Variants in RAD1 observed in about 807,000 individuals in gnomAD.
The protein encoded by RAD1 is cell cycle checkpoint protein RAD1.
A neutral mutation model predicts 30.0 loss-of-function variants in RAD1; 21 were observed. The observed-to-expected ratio is 0.70, with a 90% confidence interval of 0.50 to 1.01. RAD1 has a LOEUF of 1.01. Among genes scored for constraint, RAD1 ranks in the 50% least tolerant of loss-of-function variants. The probability of loss-of-function intolerance (pLI) is 0.00; values close to 1 mark genes in which losing one functional copy is unlikely to be tolerated. For missense variants in RAD1, 329 were observed against 329.0 expected, an observed-to-expected ratio of 1.00 and a Z score of 0.00; for synonymous variants, 109 against 113.6, an observed-to-expected ratio of 0.96 and a Z score of 0.26.
Position 34,915,497 on chromosome 5 carries a change from G to C in RAD1, c.-151C>G. 1 of 444,000 alleles carries C rather than the reference G, an allele frequency of 2.3e-6. No individual in the cohort carries two copies. The highest frequency in any genetic ancestry group is 4.0e-6 in the Non-Finnish European group (1 of 252,404). 27.5% of individuals were successfully genotyped at this position (444,000 alleles called of 1,614,324 possible). The stretch of plus-strand genomic sequence containing the variant: ...AGCGAGGCGGCTCCGAGGAACCGCG[G>C]AGGAAGTGAAGCCAGTCCCGCCACT... On this transcript the variant is annotated 5_prime_UTR_variant, in exon 1 of 6. Coordinates refer to ENST00000382038, the MANE Select transcript of RAD1 (RefSeq NM_002853.4).
Position 34,905,629 on chromosome 5 carries a change from T to G in RAD1, c.*3136A>C, listed in dbSNP as rs1213474759. The G allele has an allele frequency of 6.6e-6, 1 of 152,132 alleles. No homozygotes were observed. The highest frequency in any genetic ancestry group is 1.5e-5 in the Non-Finnish European group (1 of 68,026). The allele number at this position is 152,132 out of a possible 1,614,324, so 9.4% of individuals were successfully genotyped here. On this transcript the variant is annotated 3_prime_UTR_variant, in exon 6 of 6. Coordinates refer to ENST00000382038, the MANE Select transcript of RAD1 (RefSeq NM_002853.4). ...TTATCCATTCACAGTAAGCACCATT[T>G]TACTAGAAAGAGAGATAAACTTCAA...
At chr5:34,909,136 T>C (rs1275136855) in intron 5 of RAD1, 122 bp downstream of exon 5, 2 of 913,128 alleles carry the variant, frequency 2.2e-6, no homozygotes, top group East Asian at 5.1e-5. Flanking sequence ...AGCACTCTAC[T>C]ATTCATTTTT....
Position 34,909,283 on chromosome 5 carries a change from G to A in RAD1, c.640C>T (p.His214Tyr). 1 of 1,610,594 alleles carries A rather than the reference G, an allele frequency of 6.2e-7. No homozygotes were observed. The highest frequency in any genetic ancestry group is 8.5e-7 in the Non-Finnish European group (1 of 1,177,268). Reference sequence around the variant, plus strand: ...CTGTTGACTTGGGTCTGATTACAATGAAATGCTTCCATCAAATCAGAATCT... The same window carrying A: ...CTGTTGACTTGGGTCTGATTACAATAAAATGCTTCCATCAAATCAGAATCT... Reference protein sequence around the residue: ...PKDSDLMEAFHCNQTQVNRYK... With the variant: ...PKDSDLMEAFYCNQTQVNRYK... The change falls in exon 5 of 6, where the codon CAT (histidine) becomes TAT (tyrosine). Residue 214 changes from histidine (H) to tyrosine (Y), a missense_variant. His to Tyr is a moderately conservative substitution (Grantham distance 83). Coordinates refer to ENST00000382038, the MANE Select transcript of RAD1 (RefSeq NM_002853.4).
chr5:34,914,243 A>T (rs2111954969), intron 2 of RAD1, among the ~76,000 whole-genome samples: 1 of 152,360 alleles, frequency 6.6e-6, no homozygotes, highest in South Asian at 2.1e-4. Flanking sequence ...ATATTCTGGA[A>T]ACAAATATTC....
intron 3 of RAD1, among the ~76,000 whole-genome samples, chr5:34,912,709 T>C (rs1469133975): frequency 1.3e-5 from 2 of 151,980 alleles, no homozygotes; most frequent in Non-Finnish European, 2.9e-5. Context: ...TTAAAGAAAA[T>C]CATTCGGCAA....
In RAD1 at chr5:34,915,466, A is replaced by T; in HGVS notation, c.-120T>A. The T allele has an allele frequency of 2.6e-6, 1 of 385,366 alleles. No homozygotes were observed. The highest frequency in any genetic ancestry group is 4.4e-5 in the Admixed American group (1 of 22,858). The allele number at this position is 385,366 out of a possible 1,614,324, so 23.9% of individuals were successfully genotyped here. ...AGAGCCCTTCTCAGCAAAGTCCCTG[A>T]AGAGGAGCGAGGCGGCTCCGAGGAA... On this transcript the variant is annotated 5_prime_UTR_variant, in exon 1 of 6. Coordinates refer to ENST00000382038, the MANE Select transcript of RAD1 (RefSeq NM_002853.4).
intron 2 of RAD1, 113 bp downstream of exon 2, chr5:34,914,582 T>C (rs1277070287): frequency 4.4e-6 from 4 of 916,622 alleles, no homozygotes; most frequent in Admixed American, 4.7e-5. Flanking sequence ...TTATTATGAC[T>C]ATTGACAAGT....
intron 4 of RAD1, among the ~76,000 whole-genome samples, chr5:34,910,659 C>G (rs951352449): frequency 6.6e-6 from 1 of 152,164 alleles, no homozygotes; most frequent in Non-Finnish European, 1.5e-5. Context: ...AACTCCTGAC[C>G]TCAAGTGATC....
At chr5:34,909,118 G>T in intron 5 of RAD1, 140 bp downstream of exon 5, 1 of 870,652 alleles carries the variant, frequency 1.1e-6, no homozygotes, top group Non-Finnish European at 1.8e-6. Flanking sequence ...ACATCCCCTA[G>T]TAAGTCCAGC....
chr5:34,908,784 ACTT>A lies in RAD1; in HGVS notation c.827_829del (p.Glu276del), dbSNP rs1561167979. On this transcript the variant is annotated inframe_deletion, in exon 6 of 6. Coordinates refer to ENST00000382038, the MANE Select transcript of RAD1 (RefSeq NM_002853.4). ...TCATACTCAAGACTCAGATTCAGGA[ACTT>A]CTTCATCAGGGCAGCAGTAATATTC... 1.9e-6 allele frequency: 3 copies of A among 1,602,808 alleles called. No homozygotes were observed. The highest frequency in any genetic ancestry group is 2.5e-6 in the Non-Finnish European group (3 of 1,176,826).
intron 5 of RAD1, 23 bp downstream of exon 5, chr5:34,909,235 C>T: frequency 6.7e-7 from 1 of 1,502,870 alleles, no homozygotes; most frequent in South Asian, 1.2e-5. Flanking sequence ...TCACCAATGA[C>T]AACCTCTATA....
chr5:34,908,977 T>C, intron 5 of RAD1, 29 bp from the exon 6 acceptor site: 2 of 1,565,680 alleles, frequency 1.3e-6, no homozygotes, highest in South Asian at 1.2e-5. Context: ...AACGCTGTTA[T>C]ATCAACACAG....
In RAD1 at chr5:34,905,305, A is replaced by G. The variant is rs1763613036; in HGVS notation, c.*3460T>C. The G allele has an allele frequency of 6.6e-6, 1 of 152,220 alleles. No homozygotes were observed. The highest frequency in any genetic ancestry group is 1.5e-5 in the Non-Finnish European group (1 of 68,040). The allele number at this position is 152,220 out of a possible 1,614,324, so 9.4% of individuals were successfully genotyped here. On this transcript the variant is annotated 3_prime_UTR_variant, in exon 6 of 6. Coordinates refer to ENST00000382038, the MANE Select transcript of RAD1 (RefSeq NM_002853.4). ...TTTATTTCAGGTGGGGATAAGGGAC[A>G]AGCAATGTGAAGACAGGGAAGGAAA...
At position 34,908,701 on chromosome 5, in the gene RAD1, T is replaced by C. The variant is rs111611481; in HGVS notation, c.*64A>G. The stretch of plus-strand genomic sequence containing the variant: ...TCCAATATGAAATGACAAAGAGTAC[T>C]GTACTCAGAATAAGAACTTCATCTA... On this transcript the variant is annotated 3_prime_UTR_variant, in exon 6 of 6. Transcript: ENST00000382038. 2.0e-5 allele frequency: 28 copies of C among 1,386,964 alleles called. 1 individual carries two copies. The African/African-American group carries it at 3.0e-4, about 15-fold the overall frequency. 85.9% of individuals were successfully genotyped at this position (1,386,964 alleles called of 1,614,324 possible). A position where few individuals can be genotyped will look rare whatever the true frequency, so the allele number is the denominator to read the frequency against.
intron 5 of RAD1, 67 bp from the exon 6 acceptor site, chr5:34,909,015 A>C: frequency 7.4e-7 from 1 of 1,352,208 alleles, no homozygotes; most frequent in Non-Finnish European, 1.0e-6. Flanking sequence ...TCCCAAGTAA[A>C]GGATAAAAAG....
rs766938337 is a variant in RAD1 at position 34,908,963 on chromosome 5, A to T, written c.666-15T>A. The T allele has an allele frequency of 6.9e-6, 11 of 1,591,198 alleles. No homozygotes were observed. Among genetic ancestry groups the T allele is most frequent in the Non-Finnish European group, 9.4e-6 (11 of 1,170,338 alleles). On this transcript the variant is annotated splice_polypyrimidine_tract_variant and intron_variant, in intron 5 of 5. Transcript: ENST00000382038. ...AAATCTTGTATCTGTAGAAGAAAAA[A>T]TAAAACGCTGTTATATCAACACAGT... is the stretch of plus-strand genomic sequence containing the variant.
At chr5:34,913,845 AATGACTTGAT>A (rs1763941203) in intron 2 of RAD1, 2 of 493,988 alleles carry the variant, frequency 4.0e-6, no homozygotes, top group Non-Finnish European at 7.8e-6. Context: ...AAAATAGACG[AATGACTTGAT>A]AATGCATGAG....
At chr5:34,915,239 G>A (rs1764018548) in intron 1 of RAD1, 177 bp downstream of exon 1, 1 of 318,560 alleles carries the variant, frequency 3.1e-6, no homozygotes, top group East Asian at 6.6e-5. Flanking sequence ...AATCCGCGGG[G>A]AGTCGGTTTT....
intron 4 of RAD1, 136 bp downstream of exon 4, chr5:34,911,418 G>A: frequency 1.9e-6 from 2 of 1,043,974 alleles, no homozygotes; most frequent in Non-Finnish European, 2.8e-6. Flanking sequence ...AAAATTATGA[G>A]GTAAGAGTAC....
Sources: gnomAD v4.1 joint callset for allele counts (sites outside exome capture counted in the v4.1 genomes callset) on GRCh38, gnomAD v4.1.1 for gene constraint, MANE v1.5 for transcripts, NCBI Gene and HGNC (gene_info 2026-07-23, HGNC 2026-07-21) for gene names.